ZFPM2: variants seen among roughly 807,000 people sequenced by gnomAD.
The protein encoded by ZFPM2 is zinc finger protein ZFPM2.
ZFPM2 carries 20 observed loss-of-function variants against 98.6 expected under a neutral mutation model. The observed-to-expected ratio is 0.20, with a 90% CI of 0.14 to 0.29. ZFPM2 has a LOEUF of 0.29. Ranked by LOEUF, ZFPM2 falls within the 10% of genes least tolerant of loss-of-function variation. The probability of loss-of-function intolerance (pLI) is 1.00; values close to 1 mark genes in which losing one functional copy is unlikely to be tolerated. For synonymous variants in ZFPM2, 518 were observed against 502.7 expected (o/e 1.03, Z -0.41); for missense variants, 1,310 against 1,388.6 (o/e 0.94, Z 0.90).
chr8:105,739,538 C>T (rs1256701861), intron 5 of ZFPM2, among the ~76,000 whole-genome samples: 1 of 151,690 alleles, frequency 6.6e-6, no homozygotes, highest in Non-Finnish European at 1.5e-5. Flanking sequence ...ATGGGGAATG[C>T]ATTCTTGGCT....
chr8:105,391,172 C>T (rs1280395743), intron 1 of ZFPM2, among the ~76,000 whole-genome samples: 4 of 152,188 alleles, frequency 2.6e-5, no homozygotes, highest in Admixed American at 2.6e-4. Flanking sequence ...AGTATGGTAC[C>T]ATTTTTCCAC....
chr8:105,750,054 G>A (rs1410942933), intron 5 of ZFPM2, among the ~76,000 whole-genome samples: 3 of 152,028 alleles, frequency 2.0e-5, no homozygotes, highest in South Asian at 2.1e-4. Context: ...GGGCAAAACC[G>A]ATAAAAATGA....
intron 5 of ZFPM2, among the ~76,000 whole-genome samples, chr8:105,728,263 G>A (rs1811859150): frequency 6.6e-6 from 1 of 151,486 alleles, no homozygotes; most frequent in South Asian, 2.1e-4. Context: ...TATTTCCAGT[G>A]GTTCAAGATC....
chr8:105,778,906 T>A (rs1813175373), intron 5 of ZFPM2, among the ~76,000 whole-genome samples: 2 of 151,990 alleles, frequency 1.3e-5, no homozygotes, highest in African/African-American at 4.8e-5. Flanking sequence ...TTTTTTTTTT[T>A]TTTTTACGCA....
chr8:105,717,960 C>G (rs1811563979), intron 5 of ZFPM2, among the ~76,000 whole-genome samples: 1 of 151,786 alleles, frequency 6.6e-6, no homozygotes, highest in Non-Finnish European at 1.5e-5. Flanking sequence ...GGTTAGACTC[C>G]TGGCTCCTAC....
At chr8:105,661,042 A>C (rs1721894490) in intron 5 of ZFPM2, among the ~76,000 whole-genome samples, 1 of 152,178 alleles carries the variant, frequency 6.6e-6, no homozygotes, top group Admixed American at 6.5e-5. Flanking sequence ...TGATGCTTTG[A>C]ATTGCCGAAA....
chr8:105,492,384 T>A (rs1813372648), intron 3 of ZFPM2, among the ~76,000 whole-genome samples: 1 of 152,164 alleles, frequency 6.6e-6, no homozygotes, highest in African/African-American at 2.4e-5. Context: ...CCAGATTATC[T>A]CTAGTACTGA....
At chr8:105,433,420 A>T (rs1812058199) in intron 2 of ZFPM2, among the ~76,000 whole-genome samples, 1 of 152,188 alleles carries the variant, frequency 6.6e-6, no homozygotes, top group Non-Finnish European at 1.5e-5. Context: ...GTAAACATAA[A>T]CATTAGTATT....
At chr8:105,777,809 A>C (rs1050099920) in intron 5 of ZFPM2, among the ~76,000 whole-genome samples, 5 of 152,198 alleles carry the variant, frequency 3.3e-5, no homozygotes, top group Non-Finnish European at 7.3e-5. Context: ...AGATCTATCT[A>C]ACAACTATGA....
intron 1 of ZFPM2, among the ~76,000 whole-genome samples, chr8:105,320,256 TTGTGTGTGTGTGTGTGTGTGTGTGTG>T (rs71305141): frequency 1.3e-4 from 19 of 142,262 alleles, no homozygotes; most frequent in Non-Finnish European, 2.1e-4. Context: ...ATTCAGATCT[TTGTGTGTGTGTGTGTGTGTGTGTGTG>T]TGTGTGTGTG....
intron 1 of ZFPM2, among the ~76,000 whole-genome samples, chr8:105,372,994 C>T (rs1052411907): frequency 6.6e-6 from 1 of 152,058 alleles, no homozygotes; most frequent in Non-Finnish European, 1.5e-5. Flanking sequence ...GATTATCTCC[C>T]AGTTCATATG....
chr8:105,437,845 C>G (rs1398752409), intron 2 of ZFPM2, among the ~76,000 whole-genome samples: 1 of 152,052 alleles, frequency 6.6e-6, no homozygotes, highest in African/African-American at 2.4e-5. Context: ...GAGTTCGTGA[C>G]CAGCCTGGCT....
chr8:105,474,029 A>G lies in ZFPM2; in HGVS notation c.301+29648A>G, dbSNP rs960279668. Among the ~76,000 whole-genome samples, 35 of 152,154 alleles carry G rather than the reference A, an allele frequency of 2.3e-4. 1 individual carries two copies. Among genetic ancestry groups the G allele is most frequent in the Non-Finnish European group, 5.9e-5 (4 of 68,036 alleles). On this transcript the variant is annotated intron_variant, in intron 3 of 7. Transcript: ENST00000407775. ...TACCCTGCCATATGGCAGTTTTACT[A>G]CTGTGGTGGTTTAGTTGTAATTGAT... is the stretch of plus-strand genomic sequence containing the variant.
chr8:105,743,274 C>T (rs1443064071), intron 5 of ZFPM2, among the ~76,000 whole-genome samples: 1 of 151,774 alleles, frequency 6.6e-6, no homozygotes, highest in Non-Finnish European at 1.5e-5. Flanking sequence ...AGGTTTGGGG[C>T]AACTGGTGGA....
At chr8:105,578,304 TA>T (rs1158839798) in intron 4 of ZFPM2, among the ~76,000 whole-genome samples, 1 of 152,054 alleles carries the variant, frequency 6.6e-6, no homozygotes, top group Non-Finnish European at 1.5e-5. Flanking sequence ...ACAGTTATCT[TA>T]AAGTTGAAAG....
chr8:105,469,374 CCTTT>C (rs1812854576), intron 3 of ZFPM2, among the ~76,000 whole-genome samples: 1 of 152,018 alleles, frequency 6.6e-6, no homozygotes, highest in Non-Finnish European at 1.5e-5. Flanking sequence ...TTATTTTTCC[CCTTT>C]CTATCTCTCA....
At chr8:105,570,523 C>A (rs1279790219) in intron 4 of ZFPM2, among the ~76,000 whole-genome samples, 1 of 152,094 alleles carries the variant, frequency 6.6e-6, no homozygotes, top group Admixed American at 6.5e-5. Context: ...TGTTATAATG[C>A]AGATATAGTT....
chr8:105,360,694 A>G (rs1267507560), intron 1 of ZFPM2, among the ~76,000 whole-genome samples: 5 of 145,704 alleles, frequency 3.4e-5, no homozygotes, highest in African/African-American at 1.0e-4. Flanking sequence ...CCATTGTTCA[A>G]TTCCCACCTA....
chr8:105,790,849 T>G (rs1813587528), intron 6 of ZFPM2, among the ~76,000 whole-genome samples: 1 of 152,216 alleles, frequency 6.6e-6, no homozygotes, highest in Admixed American at 6.5e-5. Flanking sequence ...TTATTCTCTT[T>G]GAAGCAATTG....
Sources: allele counts gnomAD v4.1 joint callset (sites outside exome capture counted in the v4.1 genomes callset), GRCh38; gene constraint gnomAD v4.1.1; transcripts MANE v1.5; gene names NCBI Gene and HGNC (gene_info 2026-07-23, HGNC 2026-07-21).